Variants in PLG observed in about 807,000 individuals in gnomAD.
PLG encodes plasmin.
A neutral mutation model predicts 104.4 loss-of-function variants in PLG; 41 were observed. That is an observed-to-expected ratio of 0.39 (90% CI 0.31 to 0.51). PLG has a LOEUF of 0.51. Ranked by LOEUF, PLG falls within the 20% of genes least tolerant of loss-of-function variation. PLG has a pLI of 0.76. For synonymous variants in PLG, 337 were observed against 357.1 expected, an observed-to-expected ratio of 0.94 and a Z score of 0.63; for missense variants, 891 against 1,003.6, an observed-to-expected ratio of 0.89 and a Z score of 1.52.
intron 5 of PLG, 46 bp from the exon 6 acceptor site, chr6:160,714,746 ATT>A (rs766153865): frequency 3.7e-6 from 6 of 1,604,770 alleles, no homozygotes; most frequent in Non-Finnish European, 4.3e-6. Flanking sequence ...TGCTTCATCC[ATT>A]TCAGTTTTCT....
rs1471502425 is a variant in PLG at position 160,741,382 on chromosome 6, C to A, written c.2090C>A (p.Thr697Asn). The A allele has an allele frequency of 6.2e-7, 1 of 1,612,998 alleles. No individual in the cohort carries two copies. The highest frequency in any genetic ancestry group is 1.7e-5 in the Admixed American group (1 of 60,024). ...PSPNYVVADR[T>N]ECFITGWGET... ...CCAAATTATGTGGTCGCTGACCGGACCGAATGTTTCATCACTGGCTGGGGA... is the reference window on the plus strand; with the variant it reads ...CCAAATTATGTGGTCGCTGACCGGAACGAATGTTTCATCACTGGCTGGGGA... The change falls in exon 17 of 19, where the codon ACC becomes AAC. Residue 697 changes from threonine (T) to asparagine (N), a missense_variant. This residue lies in a region of PLG where 854 missense variants were observed against 932.1 expected (regional missense o/e 0.92). Transcript: ENST00000308192. This position sits in a 1 kb window ranked among gnomAD's most constrained non-coding sequence, Gnocchi z 4.7.
rs1425818801 is a variant in PLG, at chr6:160,731,265, T to C, written c.1438+33T>C. The stretch of plus-strand genomic sequence containing the variant: ...ATCTGTGGCTGGACATCTACACACT[T>C]GGACGCTGGGATGAAAAGCCATGGA... On this transcript the variant is annotated intron_variant, in intron 11 of 18. Transcript: ENST00000308192. The surrounding 1 kb of genome is among the most constrained non-coding windows in gnomAD (Gnocchi z 5.1). 1.3e-6 allele frequency: 2 copies of C among 1,550,912 alleles called. No individual in the cohort carries two copies. Among genetic ancestry groups the C allele is most frequent in the East Asian group, 2.2e-5 (1 of 44,666 alleles).
chr6:160,703,769 T>C (rs938196259), intron 1 of PLG, among the ~76,000 whole-genome samples: 2 of 152,268 alleles, frequency 1.3e-5, no homozygotes, highest in African/African-American at 4.8e-5. Flanking sequence ...TAGATCACTA[T>C]GAACTTATTC....
rs1433913526 is a variant in PLG, at chr6:160,731,518, A to C, written c.1439-227A>C. 2.6e-5 allele frequency among the ~76,000 whole-genome samples: 4 copies of C among 152,226 alleles called. No individual in the cohort carries two copies. In the East Asian group the frequency reaches 7.7e-4, roughly 29 times the overall value. On this transcript the variant is annotated intron_variant, in intron 11 of 18. Transcript: ENST00000308192. This position sits in a 1 kb window ranked among gnomAD's most constrained non-coding sequence, Gnocchi z 5.1. The stretch of plus-strand genomic sequence containing the variant: ...GGGTTATCTCAGTATCCCAGTCCAA[A>C]TTCGTATTCTATCATGCTGCCATAT...
chr6:160,713,249 A>T (rs1318636221), intron 5 of PLG, 124 bp downstream of exon 5: 2 of 843,218 alleles, frequency 2.4e-6, no homozygotes, highest in Non-Finnish European at 4.0e-6. Context: ...CTCGGAAAGA[A>T]GCAAAACCCC....
chr6:160,714,297 T>G (rs903189869), intron 5 of PLG, among the ~76,000 whole-genome samples: 1 of 152,200 alleles, frequency 6.6e-6, no homozygotes, highest in African/African-American at 2.4e-5. Flanking sequence ...CCTGAGGCCA[T>G]GAGCATAAAC....
chr6:160,752,137 C>T lies in PLG; in HGVS notation c.2148C>T (p.Leu716=), dbSNP rs1180178929. ...CAGGTACTTTTGGAGCTGGCCTTCT[C>T]AAGGAAGCCCAGCTCCCTGTGATTG... ...ETQGTFGAGL[L]KEAQLPVIEN... Residue 716 remains leucine (L), a synonymous_variant, in exon 18 of 19, where the codon CTC becomes CTT. Coordinates refer to ENST00000308192, the MANE Select transcript of PLG (RefSeq NM_000301.5). The surrounding 1 kb of genome is among the most constrained non-coding windows in gnomAD (Gnocchi z 4.7). 1.9e-6 allele frequency: 3 copies of T among 1,612,238 alleles called. No individual in the cohort carries two copies. Among genetic ancestry groups the T allele is most frequent in the African/African-American group, 1.3e-5 (1 of 74,874 alleles).
intron 7 of PLG, among the ~76,000 whole-genome samples, chr6:160,717,135 CAA>C (rs955328850): frequency 2.7e-5 from 4 of 150,842 alleles, no homozygotes; most frequent in African/African-American, 4.9e-5. Context: ...GTTTTGTAAA[CAA>C]AGAGTGTCTT....
rs879077414 is a variant in PLG, at chr6:160,741,245, A to C, written c.2019-66A>C. Reference sequence around the variant, plus strand: ...GCTCTGGGGCCTCAAGACAGGGATGACTGGTTGTGGGTACTGCAGCTGCGA... The same window carrying C: ...GCTCTGGGGCCTCAAGACAGGGATGCCTGGTTGTGGGTACTGCAGCTGCGA... On this transcript the variant is annotated intron_variant, in intron 16 of 18. Coordinates refer to ENST00000308192, the MANE Select transcript of PLG (RefSeq NM_000301.5). The surrounding 1 kb of genome is among the most constrained non-coding windows in gnomAD (Gnocchi z 4.7). 1.5e-5 allele frequency: 17 copies of C among 1,102,304 alleles called. No individual in the cohort carries two copies. Among genetic ancestry groups the C allele is most frequent in the South Asian group, 1.5e-4 (12 of 80,816 alleles). 68.3% of individuals were successfully genotyped at this position (1,102,304 alleles called of 1,614,324 possible).
At position 160,714,868 on chromosome 6, in the gene PLG, G is replaced by A; in HGVS notation, c.622G>A (p.Ala208Thr). 1.2e-6 allele frequency: 2 copies of A among 1,613,510 alleles called. No homozygotes were observed. The highest frequency in any genetic ancestry group is 1.7e-6 in the Non-Finnish European group (2 of 1,179,516). ...SKTMSGLECQ[A>T]WDSQSPHAHG... ...GACCATGTCTGGACTGGAATGCCAG[G>A]CCTGGGACTCTCAGAGCCCACACGC... is the stretch of plus-strand genomic sequence containing the variant. The change falls in exon 6 of 19, where the codon GCC (alanine) becomes ACC (threonine). Residue 208 changes from alanine (A) to threonine (T), a missense_variant. Ala to Thr is a moderately conservative substitution (Grantham distance 58). Around this residue, in one of 2 missense-constraint regions of PLG, gnomAD observed 854 missense variants for 932.1 expected, o/e 0.92. Coordinates refer to ENST00000308192, the MANE Select transcript of PLG (RefSeq NM_000301.5).
At chr6:160,743,642 GC>G (rs1778231817) in intron 17 of PLG, among the ~76,000 whole-genome samples, 1 of 152,220 alleles carries the variant, frequency 6.6e-6, no homozygotes, top group Middle Eastern at 3.4e-3. Context: ...CTATCTGGAT[GC>G]CCTTTATTTC....
intron 10 of PLG, among the ~76,000 whole-genome samples, chr6:160,727,489 G>C (rs1259831091): frequency 1.3e-5 from 2 of 148,826 alleles, no homozygotes; most frequent in Non-Finnish European, 3.0e-5. Flanking sequence ...AAGTAGACAA[G>C]GATATTGTGA....
chr6:160,739,096 A>G lies in PLG; in HGVS notation c.1906A>G (p.Ile636Val), dbSNP rs746578884. 1 of 1,614,072 alleles carries G rather than the reference A, an allele frequency of 6.2e-7. No homozygotes were observed. The highest frequency in any genetic ancestry group is 8.5e-7 in the Non-Finnish European group (1 of 1,179,974). ...CCCAAGGCCTTCATCCTACAAGGTC[A>G]TCCTGGGTGCACACCAAGAAGTGAA... The part of the protein sequence containing the change: ...KSPRPSSYKV[I>V]LGAHQEVNLE... The change falls in exon 16 of 19, where the codon ATC (isoleucine) becomes GTC (valine). Residue 636 changes from isoleucine to valine, a missense_variant. Ile to Val is a conservative substitution (Grantham distance 29). Coordinates refer to ENST00000308192, the MANE Select transcript of PLG (RefSeq NM_000301.5). This position sits in a 1 kb window ranked among gnomAD's most constrained non-coding sequence, Gnocchi z 4.4.
At chr6:160,747,844 T>G (rs1562383042) in intron 17 of PLG, among the ~76,000 whole-genome samples, 2 of 152,240 alleles carry the variant, frequency 1.3e-5, no homozygotes, top group Non-Finnish European at 2.9e-5. Flanking sequence ...CTGCTCCCAG[T>G]GTTTTGCATT....
intron 1 of PLG, among the ~76,000 whole-genome samples, chr6:160,703,733 T>G (rs1306492260): frequency 6.6e-6 from 1 of 152,250 alleles, no homozygotes; most frequent in African/African-American, 2.4e-5. Flanking sequence ...ATGAATATTA[T>G]ATTTCAATGC....
In PLG at chr6:160,706,400, C is replaced by T. The variant is rs1382689450; in HGVS notation, c.50-7C>T. 1.9e-6 allele frequency: 3 copies of T among 1,612,654 alleles called. No homozygotes were observed. Among genetic ancestry groups the T allele is most frequent in the South Asian group, 1.1e-5 (1 of 91,008 alleles). The stretch of plus-strand genomic sequence containing the variant: ...CCATTTATTCCACTTGGATCTCCCA[C>T]CTCTAGGTCAAGGAGAGCCTCTGGA... On this transcript the variant is annotated splice_polypyrimidine_tract_variant and splice_region_variant and intron_variant, in intron 1 of 18. Transcript: ENST00000308192.
rs1777994123 is a variant in PLG at position 160,731,197 on chromosome 6, TCC to T, written c.1404_1405del (p.Leu469AlafsTer43). On this transcript the variant is annotated frameshift_variant, in exon 11 of 19. Transcript: ENST00000308192. LOFTEE classifies it high-confidence loss of function. This position sits in a 1 kb window ranked among gnomAD's most constrained non-coding sequence, Gnocchi z 5.1. ...AGTGTTGTAGCACCTCCGCCTGTTG[TCC>T]TGCTTCCAGATGTAGAGACTCCTTC... The T allele has an allele frequency of 6.2e-7, 1 of 1,614,174 alleles. No homozygotes were observed. Among genetic ancestry groups the T allele is most frequent in the East Asian group, 2.2e-5 (1 of 44,882 alleles).
At chr6:160,721,599 A>T (rs1777828906) in intron 9 of PLG, among the ~76,000 whole-genome samples, 1 of 152,194 alleles carries the variant, frequency 6.6e-6, no homozygotes, top group East Asian at 1.9e-4. Flanking sequence ...ACTACAGAGG[A>T]GATATCTTCA....
In PLG at chr6:160,715,056, A is replaced by G. The variant is rs1582935900; in HGVS notation, c.668+142A>G. 10 of 828,750 alleles carry G rather than the reference A, an allele frequency of 1.2e-5. No individual in the cohort carries two copies. The East Asian group carries it at 2.7e-4, about 22-fold the overall frequency. The allele number at this position is 828,750 out of a possible 1,614,324, so 51.3% of individuals were successfully genotyped here. A position where few individuals can be genotyped will look rare whatever the true frequency, so the allele number is the denominator to read the frequency against. ...AATTTCAAAGCTAACCTCCTCCCAC[A>G]ATATTGCAAGTGAAATACGCATTCT... On this transcript the variant is annotated intron_variant, in intron 6 of 18. Coordinates refer to ENST00000308192, the MANE Select transcript of PLG (RefSeq NM_000301.5).
Sources: allele counts gnomAD v4.1 joint callset (sites outside exome capture counted in the v4.1 genomes callset), GRCh38; gene constraint gnomAD v4.1.1; regional missense constraint gnomAD v4.1.1; non-coding constraint Gnocchi (gnomAD v3.1); transcripts MANE v1.5; gene names NCBI Gene and HGNC (gene_info 2026-07-23, HGNC 2026-07-21).